NAV3: variants seen among roughly 807,000 people sequenced by gnomAD.
The protein encoded by NAV3 is pore membrane and/or filament interacting like protein 1.
Under a neutral mutation model 244.7 loss-of-function variants are expected in NAV3, and 87 were observed. That is an observed-to-expected ratio of 0.36 (90% CI 0.30 to 0.42). The LOEUF is 0.42. Ranked by LOEUF, NAV3 falls within the 20% of genes least tolerant of loss-of-function variation. The probability of loss-of-function intolerance (pLI) is 1.00; values close to 1 mark genes in which losing one functional copy is unlikely to be tolerated. For synonymous variants in NAV3, 1,126 were observed against 1,042.2 expected (o/e 1.08, Z -1.55); for missense variants, 2,663 against 2,893.3 (o/e 0.92, Z 1.83).
At chr12:78,176,161 A>C (rs1958215720) in intron 25 of NAV3, among the ~76,000 whole-genome samples, 1 of 151,964 alleles carries the variant, frequency 6.6e-6, no homozygotes, top group Non-Finnish European at 1.5e-5. Context: ...TCAATAGCTA[A>C]ATAGCCCAGG....
rs563129791 is a variant in NAV3, at chr12:77,915,891, G to A, written c.244-24428G>A. 9.9e-5 allele frequency among the ~76,000 whole-genome samples: 15 copies of A among 152,162 alleles called. No individual in the cohort carries two copies. In the South Asian group the frequency reaches 3.1e-3, roughly 32 times the overall value. The stretch of plus-strand genomic sequence containing the variant: ...TGGCCATAGAGCAGTGAGCAAGACA[G>A]AGTGCTGAATGACATGAAGCTTACC... On this transcript the variant is annotated intron_variant, in intron 1 of 39. Transcript: ENST00000397909.
chr12:77,965,953 C>T (rs1892475342), intron 3 of NAV3, among the ~76,000 whole-genome samples: 1 of 152,064 alleles, frequency 6.6e-6, no homozygotes, highest in Non-Finnish European at 1.5e-5. Context: ...ATACAAGATC[C>T]AGTTTTATGT....
chr12:77,797,248 A>C lies in NAV3; in HGVS notation c.73-143071A>C, dbSNP rs113787064. On this transcript the variant is annotated intron_variant, in intron 2 of 8. Coordinates refer to the NAV3 transcript ENST00000550042. ...TTTACTAATTAGTAAACTGAAGCAA[A>C]GAGCTCAAATTGCCCAGCTACCCAG... Among the ~76,000 whole-genome samples, 694 of 152,304 alleles carry C rather than the reference A, an allele frequency of 4.6e-3. 3 individuals carry two copies. Among genetic ancestry groups the C allele is most frequent in the African/African-American group, 0.016 (660 of 41,560 alleles).
At chr12:78,043,018 C>T (rs979541699) in intron 9 of NAV3, among the ~76,000 whole-genome samples, 5 of 151,922 alleles carry the variant, frequency 3.3e-5, no homozygotes, top group East Asian at 1.9e-4. Context: ...ATGCTGTGGT[C>T]GTTTGCTGCA....
At chr12:78,191,887 T>C (rs1958998966) in intron 34 of NAV3, among the ~76,000 whole-genome samples, 1 of 152,190 alleles carries the variant, frequency 6.6e-6, no homozygotes, top group Non-Finnish European at 1.5e-5. Flanking sequence ...AGGTACTTTT[T>C]TTATGGAATA....
chr12:78,068,075 A>G lies in NAV3; in HGVS notation c.2636+8960A>G, dbSNP rs567716926. Reference sequence around the variant, plus strand: ...CAAATTTGTTATAATAACAATAGCTATAATAGACATAAGTATTGAGGACCT... The same window carrying G: ...CAAATTTGTTATAATAACAATAGCTGTAATAGACATAAGTATTGAGGACCT... On this transcript the variant is annotated intron_variant, in intron 12 of 39. Transcript: ENST00000397909. Among the ~76,000 whole-genome samples the G allele has an allele frequency of 3.3e-5, 5 of 152,154 alleles. No homozygotes were observed. The East Asian group carries it at 7.7e-4, about 24-fold the overall frequency.
intron 12 of NAV3, among the ~76,000 whole-genome samples, chr12:78,083,284 G>A (rs1456925372): frequency 1.3e-5 from 2 of 152,050 alleles, no homozygotes; most frequent in Non-Finnish European, 1.5e-5. Context: ...ATACATTCAT[G>A]AGGGCTCAGC....
chr12:77,626,455 A>G (rs562797529), intron 2 of NAV3, among the ~76,000 whole-genome samples: 2 of 152,316 alleles, frequency 1.3e-5, no homozygotes, highest in East Asian at 1.9e-4. Context: ...CAGGAAGTTC[A>G]AAGATTCCGA....
At chr12:77,842,954 T>G (rs189676703) in intron 1 of NAV3, among the ~76,000 whole-genome samples, 228 of 152,348 alleles carry the variant, frequency 1.5e-3, no homozygotes, top group African/African-American at 5.1e-3. Context: ...TTAAAAAATG[T>G]ACAGATTATA....
intron 9 of NAV3, among the ~76,000 whole-genome samples, chr12:78,033,574 AG>A (rs1042675626): frequency 6.6e-6 from 1 of 152,114 alleles, no homozygotes; most frequent in African/African-American, 2.4e-5. Flanking sequence ...GGCGCTCTCC[AG>A]AGAAGGAATA....
rs558456205 is a variant in NAV3 at position 78,126,588 on chromosome 12, A to T, written c.4239-579A>T. Among the ~76,000 whole-genome samples, 3 of 152,324 alleles carry T rather than the reference A, an allele frequency of 2.0e-5. No individual in the cohort carries two copies. In the East Asian group the frequency reaches 5.8e-4, roughly 29 times the overall value. ...ATACCTAATTTATGATTTCTAAAAG[A>T]TGGTATAGCTTAATTTCATTAAAAT... On this transcript the variant is annotated intron_variant, in intron 16 of 39. Transcript: ENST00000397909.
At chr12:77,986,311 G>A (rs1466334603) in intron 5 of NAV3, among the ~76,000 whole-genome samples, 10 of 152,132 alleles carry the variant, frequency 6.6e-5, no homozygotes, top group African/African-American at 2.4e-4. Flanking sequence ...GCAGTGAGCC[G>A]AGATCGTGCC....
intron 2 of NAV3, among the ~76,000 whole-genome samples, chr12:77,707,428 T>C (rs1335369773): frequency 6.6e-6 from 1 of 152,196 alleles, no homozygotes; most frequent in Non-Finnish European, 1.5e-5. Flanking sequence ...TTCCATGGTG[T>C]ATATGTGCCA....
intron 19 of NAV3, among the ~76,000 whole-genome samples, 198 bp downstream of exon 19, chr12:78,137,563 T>C (rs1956427173): frequency 6.9e-6 from 1 of 144,192 alleles, no homozygotes; most frequent in South Asian, 2.1e-4. Context: ...ATGCCAGAAT[T>C]TGTTTATATT....
intron 12 of NAV3, among the ~76,000 whole-genome samples, chr12:78,107,139 C>T (rs567138434): frequency 6.6e-6 from 1 of 152,274 alleles, no homozygotes; most frequent in South Asian, 2.1e-4. Flanking sequence ...CAACAATATC[C>T]TACATTCAAC....
chr12:77,766,871 C>T (rs1869802692), intron 2 of NAV3, among the ~76,000 whole-genome samples: 1 of 149,784 alleles, frequency 6.7e-6, no homozygotes, highest in Non-Finnish European at 1.5e-5. Context: ...CTTCCTGCCT[C>T]ATCCTCCTGA....
intron 2 of NAV3, among the ~76,000 whole-genome samples, chr12:77,593,150 C>T (rs145769503): frequency 1.3e-5 from 2 of 151,930 alleles, no homozygotes; most frequent in African/African-American, 4.8e-5. Flanking sequence ...CCAAATCAAC[C>T]CATGGGTGTC....
chr12:78,093,887 T>C (rs1954096247), intron 12 of NAV3, among the ~76,000 whole-genome samples: 1 of 152,188 alleles, frequency 6.6e-6, no homozygotes, highest in Non-Finnish European at 1.5e-5. Flanking sequence ...GCTGGAATAC[T>C]AGAGTACAGT....
chr12:77,685,396 C>A (rs1171847300), intron 2 of NAV3, among the ~76,000 whole-genome samples: 1 of 151,942 alleles, frequency 6.6e-6, no homozygotes, highest in Non-Finnish European at 1.5e-5. Context: ...AACTTCATTT[C>A]TCTCTTTGTT....
Sources: allele counts gnomAD v4.1 joint callset (sites outside exome capture counted in the v4.1 genomes callset), GRCh38; gene constraint gnomAD v4.1.1; transcripts MANE v1.5; gene names NCBI Gene and HGNC (gene_info 2026-07-23, HGNC 2026-07-21).